The following DNAJC13 variants were observed in gnomAD, a reference collection of about 807,000 sequenced individuals.
DNAJC13 encodes dnaJ homolog subfamily C member 13.
Under a neutral mutation model 290.5 loss-of-function variants are expected in DNAJC13, and 75 were observed. The observed-to-expected ratio is 0.26, with a 90% CI of 0.21 to 0.31. The LOEUF (loss-of-function observed/expected upper bound fraction) is 0.31, where lower values mean the gene tolerates loss of function less well. Among genes scored for constraint, DNAJC13 ranks in the 10% least tolerant of loss-of-function variants. DNAJC13 has a pLI of 1.00. For missense variants in DNAJC13, 2,260 were observed against 2,674.5 expected, an observed-to-expected ratio of 0.85 and a Z score of 3.42; for synonymous variants, 862 against 892.0, an observed-to-expected ratio of 0.97 and a Z score of 0.60.
At chr3:132,463,594 C>G in intron 16 of DNAJC13, 102 bp from the exon 17 acceptor site, 2 of 1,344,430 alleles carry the variant, frequency 1.5e-6, no homozygotes, top group Non-Finnish European at 2.0e-6. Flanking sequence ...CTATTACATA[C>G]TGAATGTTTT....
chr3:132,491,106 C>T lies in DNAJC13; in HGVS notation c.3623+55C>T, dbSNP rs878902866. On this transcript the variant is annotated intron_variant, in intron 32 of 55. Transcript: ENST00000260818. ...ATTTTATAATTAAGTCTTTGCTGCT[C>T]GCCATCTGCTTTGACTTCTGTTAAA... 4.9e-5 allele frequency: 69 copies of T among 1,411,868 alleles called. No individual in the cohort carries two copies. The South Asian group carries it at 9.4e-4, about 19-fold the overall frequency. 87.5% of individuals were successfully genotyped at this position (1,411,868 alleles called of 1,614,324 possible). A position where few individuals can be genotyped will look rare whatever the true frequency, so the allele number is the denominator to read the frequency against.
intron 55 of DNAJC13, 131 bp downstream of exon 55, chr3:132,531,228 C>G: frequency 2.8e-6 from 2 of 708,342 alleles, no homozygotes; most frequent in Non-Finnish European, 4.8e-6. Flanking sequence ...CTTGGAGGTG[C>G]TATGAGCATG....
chr3:132,491,042 G>A lies in DNAJC13; in HGVS notation c.3614G>A (p.Ser1205Asn), dbSNP rs1935044568. 6.3e-7 allele frequency: 1 copy of A among 1,599,076 alleles called. No homozygotes were observed. The highest frequency in any genetic ancestry group is 2.2e-5 in the East Asian group (1 of 44,628). The change falls in exon 32 of 56, where the codon AGT (serine) becomes AAT (asparagine). Residue 1205 changes from serine to asparagine, a missense_variant. By Grantham distance (46) the Ser-to-Asn change is conservative. This residue lies in a region of DNAJC13 where 1,494 missense variants were observed against 1,693.7 expected (regional missense o/e 0.88). Transcript: ENST00000260818. Reference protein sequence around the residue: ...EFDTPEAIWSSEMRRLMIEKI... With the variant: ...EFDTPEAIWSNEMRRLMIEKI... ...GATACTCCAGAAGCAATCTGGAGCA[G>A]TGAAATGAGGTAAATAACCAGTTGA...
At chr3:132,443,508 T>A (rs1173205778) in intron 2 of DNAJC13, among the ~76,000 whole-genome samples, 5 of 152,236 alleles carry the variant, frequency 3.3e-5, no homozygotes, top group Admixed American at 2.0e-4. Context: ...ATGCGAGACA[T>A]TTTAGATATT....
intron 41 of DNAJC13, among the ~76,000 whole-genome samples, chr3:132,504,309 GGTT>G (rs201517678): frequency 0.031 from 2,804 of 90,752 alleles, 91 homozygotes; most frequent in African/African-American, 0.2. Flanking sequence ...AGATGCTACT[GGTT>G]TTTTTTTTTT....
At position 132,500,776 on chromosome 3, in the gene DNAJC13, C is replaced by G. The variant is rs774462895; in HGVS notation, c.4417-18C>G. On this transcript the variant is annotated intron_variant, in intron 38 of 55. Coordinates refer to ENST00000260818, the MANE Select transcript of DNAJC13 (RefSeq NM_015268.4). ...ATGTGACTCTACTGGTTTTTTTGCTCTGTTGTGTTGTCTGCAGGTGTGTGG... is the reference window on the plus strand; with the variant it reads ...ATGTGACTCTACTGGTTTTTTTGCTGTGTTGTGTTGTCTGCAGGTGTGTGG... 4 of 1,610,670 alleles carry G rather than the reference C, an allele frequency of 2.5e-6. No individual in the cohort carries two copies. Among genetic ancestry groups the G allele is most frequent in the Non-Finnish European group, 3.4e-6 (4 of 1,178,590 alleles).
intron 44 of DNAJC13, among the ~76,000 whole-genome samples, chr3:132,511,609 TCCCTAACCAGTGCCATGTG>T (rs1935781126): frequency 6.6e-6 from 1 of 152,182 alleles, no homozygotes; most frequent in African/African-American, 2.4e-5. Context: ...TCCTTTCTGG[TCCCTAACCAGTGCCATGTG>T]CATATGGGCA....
At chr3:132,505,154 G>C (rs909275261) in intron 41 of DNAJC13, 148 bp from the exon 42 acceptor site, 27 of 528,332 alleles carry the variant, frequency 5.1e-5, no homozygotes, top group Non-Finnish European at 8.4e-5. Flanking sequence ...CAATAAACTT[G>C]TTAGAATTAT....
intron 1 of DNAJC13, among the ~76,000 whole-genome samples, chr3:132,430,553 C>T (rs1462833218): frequency 1.3e-5 from 2 of 152,020 alleles, no homozygotes; most frequent in Non-Finnish European, 2.9e-5. Flanking sequence ...CTCAGTTTTC[C>T]CAAGATAGGC....
At chr3:132,471,328 G>A (rs1410648217) in intron 20 of DNAJC13, among the ~76,000 whole-genome samples, 9 of 144,278 alleles carry the variant, frequency 6.2e-5, no homozygotes, top group African/African-American at 2.3e-4. Context: ...CGGGGCGGCT[G>A]GCCGGGCGGG....
chr3:132,500,774 C>G lies in DNAJC13; in HGVS notation c.4417-20C>G. ...CTATGTGACTCTACTGGTTTTTTTG[C>G]TCTGTTGTGTTGTCTGCAGGTGTGT... On this transcript the variant is annotated intron_variant, in intron 38 of 55. Transcript: ENST00000260818. 1.2e-6 allele frequency: 2 copies of G among 1,609,728 alleles called. No homozygotes were observed. Among genetic ancestry groups the G allele is most frequent in the Non-Finnish European group, 1.7e-6 (2 of 1,178,038 alleles).
chr3:132,477,729 T>C lies in DNAJC13; in HGVS notation c.2446-60T>C, dbSNP rs1419515904. Reference sequence around the variant, plus strand: ...CAGAAAGAACTATAAGAAACAATTATTAGAAATTGCCAAAATCTATTGTAA... The same window carrying C: ...CAGAAAGAACTATAAGAAACAATTACTAGAAATTGCCAAAATCTATTGTAA... On this transcript the variant is annotated intron_variant, in intron 22 of 55. Transcript: ENST00000260818. The C allele has an allele frequency of 1.1e-5, 14 of 1,242,954 alleles. 1 individual carries two copies. The highest frequency in any genetic ancestry group is 1.5e-5 in the African/African-American group (1 of 65,750). The allele number at this position is 1,242,954 out of a possible 1,614,324, so 77.0% of individuals were successfully genotyped here. A position where few individuals can be genotyped will look rare whatever the true frequency, so the allele number is the denominator to read the frequency against.
chr3:132,484,539 C>A lies in DNAJC13; in HGVS notation c.3183-49C>A, dbSNP rs974238314. ...TAGAATGTCGTATGCTCTGAACATA[C>A]AAATTTTAACAAATATATTAAATGT... On this transcript the variant is annotated intron_variant, in intron 28 of 55. Transcript: ENST00000260818. 6 of 1,564,608 alleles carry A rather than the reference C, an allele frequency of 3.8e-6. No homozygotes were observed. In the African/African-American group the frequency reaches 5.4e-5, roughly 14 times the overall value.
In DNAJC13 at chr3:132,466,029, G is replaced by A; in HGVS notation, c.1927G>A (p.Ala643Thr). Residue 643 changes from alanine to threonine, a missense_variant, in exon 18 of 56, where the codon GCT becomes ACT. Physicochemically the swap from Ala to Thr is moderately conservative, Grantham distance 58. This residue lies in a region of DNAJC13 where 762 missense variants were observed against 964.1 expected (regional missense o/e 0.79). Coordinates refer to ENST00000260818, the MANE Select transcript of DNAJC13 (RefSeq NM_015268.4). ...TAGACATTTAGTGGGACTCTGGACA[G>A]CTGATAATGCAACTGCAACAAACTT... ...LSRHLVGLWT[A>T]DNATATNLLK... The A allele has an allele frequency of 1.2e-6, 2 of 1,614,018 alleles. No homozygotes were observed. Among genetic ancestry groups the A allele is most frequent in the Non-Finnish European group, 1.7e-6 (2 of 1,179,924 alleles).
chr3:132,441,251 A>G (rs755211372), intron 2 of DNAJC13, among the ~76,000 whole-genome samples: 5 of 152,216 alleles, frequency 3.3e-5, no homozygotes, highest in Non-Finnish European at 5.9e-5. Flanking sequence ...AGCAGGTAAA[A>G]TTTGTGGGGA....
At chr3:132,537,022 G>A (rs1289861911) in intron 55 of DNAJC13, 3 of 428,182 alleles carry the variant, frequency 7.0e-6, no homozygotes, top group Non-Finnish European at 1.4e-5. Flanking sequence ...ATACTTTTAA[G>A]GTCAAAAACA....
rs759793587 is a variant in DNAJC13 at position 132,447,910 on chromosome 3, G to C, written c.307G>C (p.Asp103His). The change falls in exon 5 of 56, where the codon GAT becomes CAT. Residue 103 changes from aspartate to histidine, a missense_variant. Transcript: ENST00000260818. ...TTTTCTCTTTCAGAGATTTAGAACT[G>C]ATTTTTCAGAGGGAAAAATCACAGG... ...LLTEALRFRTDFSEGKITGRR... is the reference protein window; with the variant it reads ...LLTEALRFRTHFSEGKITGRR... 4 of 1,595,838 alleles carry C rather than the reference G, an allele frequency of 2.5e-6. No individual in the cohort carries two copies. In the African/African-American group the frequency reaches 5.4e-5, roughly 21 times the overall value.
At chr3:132,441,311 C>G (rs952243757) in intron 2 of DNAJC13, among the ~76,000 whole-genome samples, 1 of 152,130 alleles carries the variant, frequency 6.6e-6, no homozygotes, top group East Asian at 1.9e-4. Flanking sequence ...TCTACAATAC[C>G]GGGACATGAA....
chr3:132,501,266 C>T (rs1019958795), intron 39 of DNAJC13, among the ~76,000 whole-genome samples: 1 of 152,066 alleles, frequency 6.6e-6, no homozygotes, highest in South Asian at 2.1e-4. Flanking sequence ...TTTGGCAAGC[C>T]GAGGTTGGCA....
Sources: allele counts gnomAD v4.1 joint callset (sites outside exome capture counted in the v4.1 genomes callset), GRCh38; gene constraint gnomAD v4.1.1; regional missense constraint gnomAD v4.1.1; transcripts MANE v1.5; gene names NCBI Gene and HGNC (gene_info 2026-07-23, HGNC 2026-07-21).